Variants in POLR3B observed in about 807,000 individuals in gnomAD.
POLR3B encodes the protein RNA polymerase III subunit B, also known as DNA-directed RNA polymerase III subunit RPC2.
Under a neutral mutation model 147.4 loss-of-function variants are expected in POLR3B, and 96 were observed. That is an observed-to-expected ratio of 0.65 (90% confidence interval 0.55 to 0.77). POLR3B has a LOEUF of 0.77. Among genes scored for constraint, POLR3B ranks in the 30% least tolerant of loss-of-function variants. POLR3B has a pLI of 0.00. For synonymous variants in POLR3B, 461 were observed against 485.9 expected (o/e 0.95, Z 0.67); for missense variants, 1,036 against 1,413.5 (o/e 0.73, Z 4.28).
At chr12:106,403,022 A>G (rs2136928247) in intron 10 of POLR3B, among the ~76,000 whole-genome samples, 1 of 151,950 alleles carries the variant, frequency 6.6e-6, no homozygotes, top group South Asian at 2.1e-4. Context: ...GTGAACAGGC[A>G]ACCTACAGAA....
chr12:106,379,461 T>A (rs2036729744), intron 8 of POLR3B, among the ~76,000 whole-genome samples: 2 of 152,214 alleles, frequency 1.3e-5, no homozygotes, highest in South Asian at 4.1e-4. Context: ...TGGGTAACAA[T>A]GCGTAGTAGC....
intron 25 of POLR3B, among the ~76,000 whole-genome samples, chr12:106,497,914 A>G (rs1412371641): frequency 2.6e-5 from 4 of 152,242 alleles, no homozygotes; most frequent in African/African-American, 7.2e-5. Context: ...TATACTACAT[A>G]GTAATACTAT....
At chr12:106,464,590 C>T (rs1315791220) in intron 23 of POLR3B, among the ~76,000 whole-genome samples, 1 of 152,130 alleles carries the variant, frequency 6.6e-6, no homozygotes, top group African/African-American at 2.4e-5. Context: ...TAGCAGTGTG[C>T]CTGGCACACA....
chr12:106,401,869 A>G (rs1178506276), intron 10 of POLR3B, among the ~76,000 whole-genome samples: 1 of 152,170 alleles, frequency 6.6e-6, no homozygotes, highest in East Asian at 1.9e-4. Flanking sequence ...TGAATGGGCA[A>G]AAACTGGAAG....
chr12:106,449,053 C>G (rs1217175011), intron 19 of POLR3B, among the ~76,000 whole-genome samples: 1 of 152,034 alleles, frequency 6.6e-6, no homozygotes, highest in African/African-American at 2.4e-5. Flanking sequence ...TGCTTAGGAC[C>G]AGGAGTGTTT....
At chr12:106,509,061 TAA>T (rs1313017316) in intron 27 of POLR3B, among the ~76,000 whole-genome samples, 1 of 152,254 alleles carries the variant, frequency 6.6e-6, no homozygotes, top group Non-Finnish European at 1.5e-5. Flanking sequence ...GAAAAAAATT[TAA>T]ATCTGAGTAA....
At chr12:106,404,514 A>T (rs1735992308) in intron 10 of POLR3B, among the ~76,000 whole-genome samples, 1 of 152,142 alleles carries the variant, frequency 6.6e-6, no homozygotes, top group South Asian at 2.1e-4. Flanking sequence ...TTTTTATGGT[A>T]ACAAATGATG....
At chr12:106,382,865 G>A (rs999472307) in intron 9 of POLR3B, among the ~76,000 whole-genome samples, 9 of 152,156 alleles carry the variant, frequency 5.9e-5, no homozygotes, top group African/African-American at 2.2e-4. Context: ...GTCCTTTGAA[G>A]CTTTGAAGCC....
At chr12:106,434,861 A>G (rs1282397641) in intron 16 of POLR3B, among the ~76,000 whole-genome samples, 9 of 151,930 alleles carry the variant, frequency 5.9e-5, no homozygotes, top group African/African-American at 2.2e-4. Flanking sequence ...GCTTCTTGGG[A>G]TGGTCAGTCC....
At chr12:106,393,767 TACACACACACAC>T (rs34402190) in intron 10 of POLR3B, among the ~76,000 whole-genome samples, 3 of 127,908 alleles carry the variant, frequency 2.3e-5, no homozygotes, top group East Asian at 2.5e-4. Context: ...GACTGAGAAA[TACACACACACAC>T]ACACACACAC....
chr12:106,358,136 GA>G (rs2036415480), intron 1 of POLR3B, 185 bp downstream of exon 1: 1 of 897,586 alleles, frequency 1.1e-6, no homozygotes, highest in African/African-American at 3.4e-5. Flanking sequence ...GTGCGCGAGT[GA>G]AGGCTGATCC....
At chr12:106,378,503 T>G (rs1220596007) in intron 8 of POLR3B, 119 bp downstream of exon 8, 1 of 663,344 alleles carries the variant, frequency 1.5e-6, no homozygotes, top group African/African-American at 1.8e-5. Context: ...ATTGTAATAT[T>G]TAAGCTATCT....
At chr12:106,508,887 C>T (rs2038731385) in intron 27 of POLR3B, among the ~76,000 whole-genome samples, 1 of 152,190 alleles carries the variant, frequency 6.6e-6, no homozygotes, top group Non-Finnish European at 1.5e-5. Context: ...TACCACTGTC[C>T]TATTCAAAAG....
At position 106,504,006 on chromosome 12, in the gene POLR3B, C is replaced by T. The variant is rs2038646335; in HGVS notation, c.3099-75C>T. The T allele has an allele frequency of 7.2e-7, 1 of 1,386,520 alleles. No individual in the cohort carries two copies. Among genetic ancestry groups the T allele is most frequent in the Non-Finnish European group, 1.0e-6 (1 of 972,688 alleles). The allele number at this position is 1,386,520 out of a possible 1,614,324, so 85.9% of individuals were successfully genotyped here. On this transcript the variant is annotated intron_variant, in intron 26 of 27. Transcript: ENST00000228347. This position sits in a 1 kb window ranked among gnomAD's most constrained non-coding sequence, Gnocchi z 4.6. Reference sequence around the variant, plus strand: ...GCCCTGCTCCAAAGCCTCGTGCTCTCTGCCAGCATGTGATGCTACCTCTTT... The same window carrying T: ...GCCCTGCTCCAAAGCCTCGTGCTCTTTGCCAGCATGTGATGCTACCTCTTT...
chr12:106,436,959 G>A, intron 16 of POLR3B, 98 bp from the exon 17 acceptor site: 1 of 895,996 alleles, frequency 1.1e-6, no homozygotes, highest in Non-Finnish European at 1.8e-6. Flanking sequence ...AGGTTTGTTT[G>A]TATTTACATC....
chr12:106,433,604 A>G, intron 15 of POLR3B, 115 bp from the exon 16 acceptor site: 2 of 790,422 alleles, frequency 2.5e-6, no homozygotes, highest in Non-Finnish European at 4.0e-6. Context: ...GGTGTTAATA[A>G]TGGTATTTTC....
intron 12 of POLR3B, among the ~76,000 whole-genome samples, chr12:106,414,020 GT>G (rs939149566): frequency 6.7e-6 from 1 of 149,700 alleles, no homozygotes. Context: ...TATTTTGTGT[GT>G]TTTTTTTATT....
intron 9 of POLR3B, among the ~76,000 whole-genome samples, chr12:106,388,882 G>A (rs998324789): frequency 3.9e-5 from 6 of 152,088 alleles, no homozygotes; most frequent in African/African-American, 9.7e-5. Flanking sequence ...GTCACGCTTT[G>A]TAGATATCTA....
chr12:106,491,769 G>A (rs950796693), intron 23 of POLR3B, among the ~76,000 whole-genome samples: 3 of 152,100 alleles, frequency 2.0e-5, no homozygotes, highest in Admixed American at 6.5e-5. Flanking sequence ...AGCTACCTCC[G>A]CCTATCTGGA....
Sources: allele counts gnomAD v4.1 joint callset (sites outside exome capture counted in the v4.1 genomes callset), GRCh38; gene constraint gnomAD v4.1.1; non-coding constraint Gnocchi (gnomAD v3.1); transcripts MANE v1.5; gene names NCBI Gene and HGNC (gene_info 2026-07-23, HGNC 2026-07-21).